The following FKBP3 variants were observed in gnomAD, a reference collection of about 807,000 sequenced individuals.
FKBP3 encodes the protein FKBP prolyl isomerase 3.
Under a neutral mutation model 30.6 loss-of-function variants are expected in FKBP3, and 21 were observed. That is an observed-to-expected ratio of 0.69 (90% confidence interval 0.49 to 0.99). The LOEUF (loss-of-function observed/expected upper bound fraction) is 0.99, where lower values mean the gene tolerates loss of function less well. Ranked by LOEUF, FKBP3 falls within the 50% of genes least tolerant of loss-of-function variation. The pLI, the probability that FKBP3 is intolerant of heterozygous loss-of-function variation, is 0.00. For missense variants in FKBP3, 283 were observed against 261.6 expected (o/e 1.08, Z -0.56); for synonymous variants, 82 against 91.3 (o/e 0.90, Z 0.58).
intron 6 of FKBP3, among the ~76,000 whole-genome samples, chr14:45,117,680 A>G (rs1023998486): frequency 6.6e-6 from 1 of 152,156 alleles, no homozygotes; most frequent in Non-Finnish European, 1.5e-5. Flanking sequence ...CATGAGCCAT[A>G]TTTGCATCGT....
At chr14:45,129,057 A>G (rs1178165490) in intron 3 of FKBP3, among the ~76,000 whole-genome samples, 5 of 152,276 alleles carry the variant, frequency 3.3e-5, no homozygotes, top group African/African-American at 1.2e-4. Flanking sequence ...TTAATCAAAT[A>G]AACATCTATA....
chr14:45,118,058 G>C lies in FKBP3; in HGVS notation c.590C>G (p.Ala197Gly). ...ATCAGGCTGTCCTTTCTTTCCGTAA[G>C]CCCATTCTGGTTCAATCTCCAGTCG... ...KARLEIEPEW[A>G]YGKKGQPDAK... The change falls in exon 6 of 7, where the codon GCT becomes GGT. Residue 197 changes from alanine to glycine, a missense_variant. Coordinates refer to ENST00000396062, the MANE Select transcript of FKBP3 (RefSeq NM_002013.4). The C allele has an allele frequency of 1.2e-6, 2 of 1,606,018 alleles. No homozygotes were observed. The highest frequency in any genetic ancestry group is 1.7e-6 in the Non-Finnish European group (2 of 1,176,910).
At chr14:45,132,070 G>A (rs961979673) in intron 1 of FKBP3, among the ~76,000 whole-genome samples, 9 of 152,040 alleles carry the variant, frequency 5.9e-5, no homozygotes, top group African/African-American at 2.2e-4. Context: ...TCCTAATTTT[G>A]TTACATTCTC....
chr14:45,125,738 A>G (rs1043431568), intron 3 of FKBP3, among the ~76,000 whole-genome samples: 23 of 152,098 alleles, frequency 1.5e-4, no homozygotes, highest in African/African-American at 5.6e-4. Context: ...CACATGGTAA[A>G]AATTCCAGAG....
At chr14:45,117,596 G>GTA (rs1884880269) in intron 6 of FKBP3, among the ~76,000 whole-genome samples, 1 of 152,100 alleles carries the variant, frequency 6.6e-6, no homozygotes, top group South Asian at 2.1e-4. Flanking sequence ...TTCACAACTG[G>GTA]TAATCTCCCA....
intron 6 of FKBP3, among the ~76,000 whole-genome samples, chr14:45,116,577 C>T (rs993413442): frequency 1.3e-5 from 2 of 151,878 alleles, no homozygotes; most frequent in Non-Finnish European, 2.9e-5. Flanking sequence ...AGTTCAAGGC[C>T]AGGTACGGTA....
At chr14:45,119,298 G>A (rs751142145) in intron 5 of FKBP3, among the ~76,000 whole-genome samples, 1 of 152,160 alleles carries the variant, frequency 6.6e-6, no homozygotes, top group South Asian at 2.1e-4. Flanking sequence ...AGCCGGGCAA[G>A]GTGGCTCGTG....
intron 1 of FKBP3, among the ~76,000 whole-genome samples, chr14:45,132,315 AGCATAAAC>A (rs1290699613): frequency 6.6e-6 from 1 of 152,226 alleles, no homozygotes; most frequent in Non-Finnish European, 1.5e-5. Flanking sequence ...AAAGCATAAA[AGCATAAAC>A]ATCTCTTTGA....
chr14:45,119,386 CA>C (rs1022050331), intron 5 of FKBP3, among the ~76,000 whole-genome samples: 2 of 151,922 alleles, frequency 1.3e-5, no homozygotes, highest in African/African-American at 4.8e-5. Context: ...CCAGCCTGAC[CA>C]ACATGATGAA....
At position 45,129,215 on chromosome 14, in the gene FKBP3, T is replaced by C. The variant is rs193085900; in HGVS notation, c.318+579A>G. Among the ~76,000 whole-genome samples the C allele has an allele frequency of 8.5e-5, 13 of 152,354 alleles. No individual in the cohort carries two copies. The East Asian group carries it at 1.2e-3, about 14-fold the overall frequency. Reference sequence around the variant, plus strand: ...AGTGAGCTTAGATAGTAAGGTATTATCAGAAATGACAAGATTATAATCAAT... The same window carrying C: ...AGTGAGCTTAGATAGTAAGGTATTACCAGAAATGACAAGATTATAATCAAT... On this transcript the variant is annotated intron_variant, in intron 3 of 6. Coordinates refer to ENST00000396062, the MANE Select transcript of FKBP3 (RefSeq NM_002013.4).
rs767554768 is a variant in FKBP3, at chr14:45,129,885, T to C, written c.227A>G (p.Glu76Gly). 1.2e-6 allele frequency: 2 copies of C among 1,611,164 alleles called. No homozygotes were observed. The highest frequency in any genetic ancestry group is 1.7e-6 in the Non-Finnish European group (2 of 1,178,202). The change falls in exon 3 of 7, where the codon GAA becomes GGA. Residue 76 changes from glutamate (E) to glycine (G), a missense_variant. Glu to Gly is a moderately conservative substitution (Grantham distance 98). Transcript: ENST00000396062. ...TTGCTCAGACACTTTACTTATACTTTCAGTACCCTTAAAACGCTGTAAGGA... is the reference window on the plus strand; with the variant it reads ...TTGCTCAGACACTTTACTTATACTTCCAGTACCCTTAAAACGCTGTAAGGA... ...LFETKRFKGTESISKVSEQVK... is the reference protein window; with the variant it reads ...LFETKRFKGTGSISKVSEQVK...
At chr14:45,119,978 C>G (rs1884948517) in intron 5 of FKBP3, among the ~76,000 whole-genome samples, 1 of 152,052 alleles carries the variant, frequency 6.6e-6, no homozygotes, top group South Asian at 2.1e-4. Flanking sequence ...GCATGAGCCA[C>G]CACGCCTGGC....
Position 45,115,877 on chromosome 14 carries a change from T to A in FKBP3, c.*321A>T, listed in dbSNP as rs1884821517. The A allele has an allele frequency of 4.2e-6, 1 of 237,692 alleles. No homozygotes were observed. 14.7% of individuals were successfully genotyped at this position (237,692 alleles called of 1,614,324 possible). On this transcript the variant is annotated 3_prime_UTR_variant, in exon 7 of 7. Transcript: ENST00000396062. ...TTCCCTAATCAGAACAATAATATAT[T>A]AACACCAAACAAATCACAGTCAGAT...
chr14:45,116,253 C>G lies in FKBP3; in HGVS notation c.621-1G>C, dbSNP rs113896516. 1 of 1,611,914 alleles carries G rather than the reference C, an allele frequency of 6.2e-7. No individual in the cohort carries two copies. Among genetic ancestry groups the G allele is most frequent in the Non-Finnish European group, 8.5e-7 (1 of 1,178,228 alleles). On this transcript the variant is annotated splice_acceptor_variant, in intron 6 of 6. Transcript: ENST00000396062. LOFTEE classifies it high-confidence loss of function. ...AGTGAGTTTTGCATTTGGTGGAATT[C>G]TGTTGAAGAAGTCAAGGTACATTTG...
At chr14:45,129,600 T>C (rs1182703718) in intron 3 of FKBP3, among the ~76,000 whole-genome samples, 194 bp downstream of exon 3, 2 of 152,172 alleles carry the variant, frequency 1.3e-5, no homozygotes, top group Non-Finnish European at 1.5e-5. Flanking sequence ...CTAATAACTG[T>C]AAAGCACTAG....
intron 3 of FKBP3, among the ~76,000 whole-genome samples, chr14:45,124,549 A>C (rs1241882337): frequency 1.3e-5 from 2 of 150,848 alleles, no homozygotes; most frequent in Admixed American, 1.3e-4. Context: ...AAAATTATAT[A>C]TATATATTTT....
chr14:45,118,002 TAA>T, intron 6 of FKBP3, 24 bp downstream of exon 6: 2 of 1,509,988 alleles, frequency 1.3e-6, no homozygotes, highest in Non-Finnish European at 9.1e-7. Flanking sequence ...TTTTCAACTT[TAA>T]TTATGAAGGG....
intron 5 of FKBP3, among the ~76,000 whole-genome samples, 181 bp downstream of exon 5, chr14:45,120,706 T>A (rs563955759): frequency 2.0e-5 from 3 of 152,336 alleles, no homozygotes; most frequent in Non-Finnish European, 2.9e-5. Flanking sequence ...TCATTTTATA[T>A]GTAGCGAAAC....
intron 1 of FKBP3, among the ~76,000 whole-genome samples, chr14:45,132,443 G>C (rs749579576): frequency 1.4e-4 from 22 of 151,932 alleles, no homozygotes; most frequent in Non-Finnish European, 2.6e-4. Context: ...TGTCGCCCAG[G>C]CTGGAGTGCA....
Sources: gnomAD v4.1 joint callset for allele counts (sites outside exome capture counted in the v4.1 genomes callset) on GRCh38, gnomAD v4.1.1 for gene constraint, MANE v1.5 for transcripts, NCBI Gene and HGNC (gene_info 2026-07-23, HGNC 2026-07-21) for gene names.